The following TBC1D32 variants were observed in gnomAD, a reference collection of about 807,000 sequenced individuals.
The protein encoded by TBC1D32 is TBC1 domain family member 32.
In TBC1D32, 151 loss-of-function variants were observed where a neutral mutation model predicts 170.3. The observed-to-expected ratio is 0.89, with a 90% CI of 0.78 to 1.01. The LOEUF (loss-of-function observed/expected upper bound fraction) is 1.01. TBC1D32 is among the 50% of genes least tolerant of loss of function. The pLI, the probability that TBC1D32 is intolerant of heterozygous loss-of-function variation, is 0.00. For missense variants in TBC1D32, 1,464 were observed against 1,457.1 expected, an observed-to-expected ratio of 1.00 and a Z score of -0.08; for synonymous variants, 498 against 488.0, an observed-to-expected ratio of 1.02 and a Z score of -0.27.
intron 9 of TBC1D32, among the ~76,000 whole-genome samples, chr6:121,301,258 C>A (rs562016950): frequency 2.6e-4 from 39 of 152,270 alleles, no homozygotes; most frequent in African/African-American, 9.4e-4. Context: ...TATTGCAGCA[C>A]TGTTCACAAT....
chr6:121,251,225 T>C (rs1216736983), intron 17 of TBC1D32, among the ~76,000 whole-genome samples: 1 of 151,956 alleles, frequency 6.6e-6, no homozygotes, highest in African/African-American at 2.4e-5. Flanking sequence ...AAAAAAAAAC[T>C]ACTTTAAATT....
At chr6:121,297,742 CTATT>C (rs754190088) in intron 10 of TBC1D32, among the ~76,000 whole-genome samples, 1 of 152,022 alleles carries the variant, frequency 6.6e-6, no homozygotes. Flanking sequence ...AACCACATGC[CTATT>C]TAAATTTAAA....
At position 121,228,861 on chromosome 6, in the gene TBC1D32, T is replaced by C. The variant is rs191599375; in HGVS notation, c.2365-5509A>G. 3.2e-3 allele frequency among the ~76,000 whole-genome samples: 491 copies of C among 152,306 alleles called. 2 individuals are homozygous for C. The highest frequency in any genetic ancestry group is 7.7e-3 in the South Asian group (37 of 4,826). On this transcript the variant is annotated intron_variant, in intron 20 of 31. Coordinates refer to ENST00000398212, the MANE Select transcript of TBC1D32 (RefSeq NM_152730.6). ...AAATCTTCAACTCTGATTGCAGATT[T>C]GCCTATTTCTTCCTTAAATTCTATT...
At chr6:121,190,272 T>C (rs1364766487) in intron 22 of TBC1D32, among the ~76,000 whole-genome samples, 1 of 139,730 alleles carries the variant, frequency 7.2e-6, no homozygotes, top group African/African-American at 2.7e-5. Flanking sequence ...CCTCATCCTT[T>C]CCTCATTCCC....
chr6:121,195,646 C>T (rs1790625262), intron 22 of TBC1D32, among the ~76,000 whole-genome samples: 2 of 152,176 alleles, frequency 1.3e-5, no homozygotes, highest in Non-Finnish European at 2.9e-5. Flanking sequence ...AATTTCCACT[C>T]CTGCCACCCT....
chr6:121,286,494 G>A (rs965101718), intron 12 of TBC1D32, among the ~76,000 whole-genome samples: 8 of 151,846 alleles, frequency 5.3e-5, no homozygotes, highest in African/African-American at 1.9e-4. Context: ...TATATGAATG[G>A]GACTATATGA....
intron 22 of TBC1D32, chr6:121,162,914 G>A (rs1288434544): frequency 3.5e-5 from 4 of 115,606 alleles, no homozygotes; most frequent in Admixed American, 2.9e-4. Flanking sequence ...CACCTGGGAA[G>A]CGCAAGGGGT....
chr6:121,314,514 A>C (rs1808658765), intron 3 of TBC1D32, among the ~76,000 whole-genome samples: 1 of 152,172 alleles, frequency 6.6e-6, no homozygotes, highest in Non-Finnish European at 1.5e-5. Context: ...GACTGCTTTA[A>C]ACATGTTTGT....
intron 1 of TBC1D32, among the ~76,000 whole-genome samples, chr6:121,322,725 A>T (rs972914080): frequency 6.6e-6 from 1 of 152,214 alleles, no homozygotes; most frequent in African/African-American, 2.4e-5. Context: ...TTTATCTATC[A>T]TCTGCAATAT....
chr6:121,221,301 A>G (rs1351899443), intron 21 of TBC1D32, among the ~76,000 whole-genome samples: 1 of 152,228 alleles, frequency 6.6e-6, no homozygotes, highest in Non-Finnish European at 1.5e-5. Flanking sequence ...CTGCTCACTG[A>G]CAACACAACA....
At chr6:121,243,243 A>G (rs1035482552) in intron 17 of TBC1D32, among the ~76,000 whole-genome samples, 4 of 152,104 alleles carry the variant, frequency 2.6e-5, no homozygotes, top group African/African-American at 9.7e-5. Context: ...CCTAATAAAA[A>G]ATATAGAGAA....
chr6:121,115,157 T>A lies in TBC1D32; in HGVS notation c.3053+15A>T. 2 of 1,571,150 alleles carry A rather than the reference T, an allele frequency of 1.3e-6. No homozygotes were observed. The highest frequency in any genetic ancestry group is 1.7e-6 in the Non-Finnish European group (2 of 1,155,614). On this transcript the variant is annotated intron_variant, in intron 27 of 31. Coordinates refer to ENST00000398212, the MANE Select transcript of TBC1D32 (RefSeq NM_152730.6). The stretch of plus-strand genomic sequence containing the variant: ...TTCTAGAAATGCACAAGGGAGCTAT[T>A]TCCCTATAATATACCTGACAGTCAT...
At chr6:121,205,348 C>T (rs1473546241) in intron 21 of TBC1D32, among the ~76,000 whole-genome samples, 185 bp from the exon 22 acceptor site, 1 of 152,014 alleles carries the variant, frequency 6.6e-6, no homozygotes, top group African/African-American at 2.4e-5. Flanking sequence ...GGGTCCTAAC[C>T]CTCAAAGTTT....
chr6:121,112,742 TTAAA>T (rs1779310466), intron 28 of TBC1D32, 83 bp from the exon 29 acceptor site: 7 of 1,189,060 alleles, frequency 5.9e-6, no homozygotes, highest in Admixed American at 3.4e-5. Context: ...AATGAATATA[TTAAA>T]TAAAAAGCAG....
intron 15 of TBC1D32, among the ~76,000 whole-genome samples, chr6:121,270,239 A>G (rs569664487): frequency 6.6e-6 from 1 of 152,316 alleles, no homozygotes; most frequent in Non-Finnish European, 1.5e-5. Context: ...AAAAGTTAGC[A>G]GAAGGCAAAA....
chr6:121,123,393 T>G (rs919048432), intron 26 of TBC1D32, among the ~76,000 whole-genome samples: 5 of 152,102 alleles, frequency 3.3e-5, no homozygotes, highest in African/African-American at 1.2e-4. Context: ...TAGCAATATT[T>G]GTTTTATGAA....
At chr6:121,283,568 A>G (rs1803351062) in intron 13 of TBC1D32, among the ~76,000 whole-genome samples, 1 of 151,910 alleles carries the variant, frequency 6.6e-6, no homozygotes, top group South Asian at 2.1e-4. Flanking sequence ...TTAATAAAGA[A>G]CATCATTAAA....
chr6:121,188,072 T>C (rs1473460157), intron 22 of TBC1D32, among the ~76,000 whole-genome samples: 1 of 152,190 alleles, frequency 6.6e-6, no homozygotes, highest in Non-Finnish European at 1.5e-5. Flanking sequence ...GTCACTTTAA[T>C]TGAATGGCTT....
intron 5 of TBC1D32, among the ~76,000 whole-genome samples, chr6:121,306,431 T>C (rs571343242): frequency 6.6e-6 from 1 of 152,162 alleles, no homozygotes; most frequent in Non-Finnish European, 1.5e-5. Context: ...TTGTGTCCTG[T>C]CCATGGTGTG....
Sources: allele counts gnomAD v4.1 joint callset (sites outside exome capture counted in the v4.1 genomes callset), GRCh38; gene constraint gnomAD v4.1.1; transcripts MANE v1.5; gene names NCBI Gene and HGNC (gene_info 2026-07-23, HGNC 2026-07-21).